Variants in PEPD observed in about 807,000 individuals in gnomAD.
PEPD encodes the protein peptidase D.
Under a neutral mutation model 60.7 loss-of-function variants are expected in PEPD, and 53 were observed. That is an observed-to-expected ratio of 0.87 (90% confidence interval 0.70 to 1.10). PEPD has a LOEUF of 1.10. Among genes scored for constraint, PEPD ranks in the 50% least tolerant of loss-of-function variants. The pLI is 0.00. For synonymous variants in PEPD, 267 were observed against 284.1 expected (o/e 0.94, Z 0.60); for missense variants, 711 against 711.9 (o/e 1.00, Z 0.01).
At chr19:33,392,761 A>AGGGCT (rs1414984845) in intron 12 of PEPD, among the ~76,000 whole-genome samples, 1 of 152,042 alleles carries the variant, frequency 6.6e-6, no homozygotes, top group East Asian at 1.9e-4. Context: ...TGAGCTGGCG[A>AGGGCT]GGGCTGGGCT....
At chr19:33,387,840 T>G in intron 14 of PEPD, 50 bp downstream of exon 14, 1 of 1,413,274 alleles carries the variant, frequency 7.1e-7, no homozygotes, top group Non-Finnish European at 9.8e-7. Flanking sequence ...GCAGCTGCAG[T>G]GGAGGTGGCA....
chr19:33,490,080 T>C, intron 5 of PEPD, 23 bp from the exon 6 acceptor site: 1 of 1,593,576 alleles, frequency 6.3e-7, no homozygotes, highest in Non-Finnish European at 8.6e-7. Context: ...AACACAGACA[T>C]GACACACGGG....
At chr19:33,440,981 G>A (rs1436833053) in intron 9 of PEPD, among the ~76,000 whole-genome samples, 1 of 152,234 alleles carries the variant, frequency 6.6e-6, no homozygotes, top group African/African-American at 2.4e-5. Context: ...GCACCCATCA[G>A]CCTGCTTGGC....
chr19:33,400,680 C>T (rs761550938), intron 12 of PEPD, among the ~76,000 whole-genome samples: 8 of 152,208 alleles, frequency 5.3e-5, no homozygotes, highest in Non-Finnish European at 7.3e-5. Context: ...CCAAGGATTA[C>T]GGCAGGGGTG....
At chr19:33,493,737 T>A (rs548163545) in intron 4 of PEPD, among the ~76,000 whole-genome samples, 1 of 151,978 alleles carries the variant, frequency 6.6e-6, no homozygotes, top group Non-Finnish European at 1.5e-5. Flanking sequence ...AGCCTCTGGT[T>A]CCTAGGGCAG....
intron 10 of PEPD, among the ~76,000 whole-genome samples, chr19:33,412,603 G>A (rs7254470): frequency 6.6e-6 from 1 of 152,344 alleles, no homozygotes; most frequent in East Asian, 1.9e-4. Context: ...CTGTCCAAAG[G>A]GGGGAAGGAA....
intron 13 of PEPD, among the ~76,000 whole-genome samples, chr19:33,389,339 C>T (rs1256118722): frequency 1.3e-5 from 2 of 152,180 alleles, no homozygotes; most frequent in Non-Finnish European, 2.9e-5. Flanking sequence ...AGGGATGCCC[C>T]GTGGCTGAGG....
In PEPD at chr19:33,387,380, A is replaced by G. The variant is rs745476123; in HGVS notation, c.1446T>C (p.Cys482=). The G allele has an allele frequency of 1.2e-6, 2 of 1,614,080 alleles. No individual in the cohort carries two copies. The highest frequency in any genetic ancestry group is 1.7e-6 in the Non-Finnish European group (2 of 1,180,040). ...CAGAGAAGGGGGTAAAGGCCTTGTC[A>G]CAGCCTGCCATGCATGCTTCAATCT... ...VEEIEACMAG[C]DKAFTPFSGP... is the part of the protein sequence containing the mutation. Residue 482 remains cysteine (C), a synonymous_variant, in exon 15 of 15, where the codon TGT becomes TGC. Coordinates refer to ENST00000244137, the MANE Select transcript of PEPD (RefSeq NM_000285.4).
intron 9 of PEPD, among the ~76,000 whole-genome samples, chr19:33,452,635 A>T (rs922969362): frequency 4.6e-5 from 7 of 152,198 alleles, no homozygotes; most frequent in Admixed American, 2.0e-4. Flanking sequence ...TTTTAAAAAC[A>T]TAAGATTTTA....
At chr19:33,458,107 TTG>T (rs1969843508) in intron 9 of PEPD, among the ~76,000 whole-genome samples, 1 of 151,678 alleles carries the variant, frequency 6.6e-6, no homozygotes, top group Admixed American at 6.6e-5. Flanking sequence ...TGGGTACATG[TTG>T]TGTGTGGTGT....
chr19:33,453,599 G>C (rs1430258645), intron 9 of PEPD, among the ~76,000 whole-genome samples: 1 of 152,170 alleles, frequency 6.6e-6, no homozygotes, highest in African/African-American at 2.4e-5. Context: ...GAGACATAAT[G>C]TTATTGCACT....
At chr19:33,432,863 C>T (rs74358216) in intron 9 of PEPD, among the ~76,000 whole-genome samples, 4 of 152,368 alleles carry the variant, frequency 2.6e-5, no homozygotes, top group East Asian at 3.9e-4. Flanking sequence ...TACCCACAGC[C>T]TGGATGGAGA....
intron 12 of PEPD, among the ~76,000 whole-genome samples, chr19:33,392,802 T>A (rs1968257142): frequency 6.6e-6 from 1 of 152,118 alleles, no homozygotes; most frequent in Non-Finnish European, 1.5e-5. Flanking sequence ...CCTCTGTGGC[T>A]GGCGGAGGGC....
intron 3 of PEPD, among the ~76,000 whole-genome samples, chr19:33,502,165 G>C (rs1970724892): frequency 6.6e-6 from 1 of 152,184 alleles, no homozygotes; most frequent in Non-Finnish European, 1.5e-5. Context: ...GGGAGACACT[G>C]AGAGCCAAGT....
intron 7 of PEPD, among the ~76,000 whole-genome samples, chr19:33,475,288 G>C (rs75882034): frequency 0.011 from 1,702 of 152,052 alleles, 34 homozygotes; most frequent in African/African-American, 0.039. Flanking sequence ...CAAAAGATGA[G>C]TCCCTGAGTC....
intron 4 of PEPD, among the ~76,000 whole-genome samples, chr19:33,498,465 G>A (rs139351431): frequency 3.4e-4 from 52 of 152,292 alleles, no homozygotes; most frequent in African/African-American, 1.2e-3. Flanking sequence ...CAGTAGACAC[G>A]GAGCTGAATT....
intron 12 of PEPD, among the ~76,000 whole-genome samples, chr19:33,400,769 G>A (rs1189089238): frequency 6.6e-6 from 1 of 152,230 alleles, no homozygotes; most frequent in Non-Finnish European, 1.5e-5. Context: ...GGGCAAAGGT[G>A]ACAAGCCAGG....
rs745537147 is a variant in PEPD at position 33,521,730 on chromosome 19, G to T, written c.17+14C>A. The T allele has an allele frequency of 6.3e-7, 1 of 1,580,528 alleles. No individual in the cohort carries two copies. Among genetic ancestry groups the T allele is most frequent in the Non-Finnish European group, 8.6e-7 (1 of 1,168,440 alleles). On this transcript the variant is annotated intron_variant, in intron 1 of 14. Transcript: ENST00000244137. ...CACGCCAGCGGGAAAGAGCGAGGGA[G>T]GCGCAGCACTCACCCGGTGGCCGCC...
intron 3 of PEPD, among the ~76,000 whole-genome samples, chr19:33,502,313 C>T (rs541093842): frequency 6.6e-6 from 1 of 152,242 alleles, no homozygotes; most frequent in African/African-American, 2.4e-5. Context: ...GGTGCTGGGT[C>T]CCAAATAGGC....
Sources: allele counts gnomAD v4.1 joint callset (sites outside exome capture counted in the v4.1 genomes callset), GRCh38; gene constraint gnomAD v4.1.1; transcripts MANE v1.5; gene names NCBI Gene and HGNC (gene_info 2026-07-23, HGNC 2026-07-21).